The following CKLF variants were observed in gnomAD, a reference collection of about 807,000 sequenced individuals.
The protein encoded by CKLF is chemokine like factor, also known as chemokine-like factor.
In CKLF, 16 loss-of-function variants were observed where a neutral mutation model predicts 12.9. The ratio of observed to expected loss-of-function variants is 1.24; its 90% CI spans 0.84 to 1.88. CKLF has a LOEUF of 1.88. CKLF is among the 40% of genes most tolerant of loss of function. The pLI, the probability that CKLF is intolerant of heterozygous loss-of-function variation, is 0.00. For synonymous variants in CKLF, 61 were observed against 69.0 expected (o/e 0.88, Z 0.57); for missense variants, 172 against 188.5 (o/e 0.91, Z 0.51).
intron 1 of CKLF, among the ~76,000 whole-genome samples, chr16:66,554,000 A>T (rs887832121): frequency 5.3e-5 from 8 of 152,220 alleles, no homozygotes; most frequent in Non-Finnish European, 1.2e-4. Flanking sequence ...GTAAATACTC[A>T]GGGCAAAAGT....
chr16:66,552,575 G>C (rs1367680920), upstream of CKLF: 4 of 1,361,086 alleles, frequency 2.9e-6, no homozygotes, highest in East Asian at 2.3e-5. Context: ...GCGCGCAAGA[G>C]AGCGGGAAGC....
chr16:66,556,592 TGAAAAA>T (rs1368518708), intron 1 of CKLF, among the ~76,000 whole-genome samples: 3 of 152,192 alleles, frequency 2.0e-5, no homozygotes, highest in African/African-American at 7.2e-5. Context: ...GGATAGGGAC[TGAAAAA>T]GTGGCCCTTC....
In CKLF at chr16:66,552,579, G is replaced by C; in HGVS notation, c.-137G>C. On this transcript the variant is annotated 5_prime_UTR_variant, in exon 1 of 4. Coordinates refer to ENST00000264001, the MANE Select transcript of CKLF (RefSeq NM_016951.4). ...GCCGTGCGCATGCGCGCAAGAGAGC[G>C]GGAAGCCGAGCTGGGCGAGAAGTAG... 1 of 1,391,248 alleles carries C rather than the reference G, an allele frequency of 7.2e-7. No homozygotes were observed. Among genetic ancestry groups the C allele is most frequent in the Non-Finnish European group, 1.0e-6 (1 of 1,004,306 alleles). The allele number at this position is 1,391,248 out of a possible 1,614,324, so 86.2% of individuals were successfully genotyped here.
chr16:66,555,168 CAG>C (rs2011383291), intron 1 of CKLF, among the ~76,000 whole-genome samples: 1 of 152,134 alleles, frequency 6.6e-6, no homozygotes, highest in Non-Finnish European at 1.5e-5. Flanking sequence ...ACCGGAGAGA[CAG>C]AGGTTGAGGT....
intron 2 of CKLF, among the ~76,000 whole-genome samples, chr16:66,560,178 C>A (rs1384434175): frequency 6.6e-6 from 1 of 152,072 alleles, no homozygotes; most frequent in Non-Finnish European, 1.5e-5. Flanking sequence ...AGAAAAGCAG[C>A]AGCATATGTG....
At position 66,558,170 on chromosome 16, in the gene CKLF, C is replaced by T. The variant is rs368008197; in HGVS notation, c.79-20C>T. ...TGTATTCAGTTGTCACTGAATAAATCGTGGGTTTTTTTCTTCTAGGCACTA... is the reference window on the plus strand; with the variant it reads ...TGTATTCAGTTGTCACTGAATAAATTGTGGGTTTTTTTCTTCTAGGCACTA... On this transcript the variant is annotated intron_variant, in intron 1 of 3. Transcript: ENST00000264001. 2 of 1,603,028 alleles carry T rather than the reference C, an allele frequency of 1.2e-6. No individual in the cohort carries two copies. The highest frequency in any genetic ancestry group is 1.1e-5 in the South Asian group (1 of 88,014).
At chr16:66,554,167 C>T (rs1206842528) in intron 1 of CKLF, among the ~76,000 whole-genome samples, 2 of 152,172 alleles carry the variant, frequency 1.3e-5, no homozygotes, top group African/African-American at 4.8e-5. Context: ...AAACTCTGGG[C>T]TAGGAGCTGG....
chr16:66,563,345 C>T, intron 3 of CKLF, 128 bp downstream of exon 3: 1 of 1,071,208 alleles, frequency 9.3e-7, no homozygotes, highest in Non-Finnish European at 1.3e-6. Context: ...ATATACAATG[C>T]CTAGTGGCTT....
chr16:66,563,286 T>C, intron 3 of CKLF, 69 bp downstream of exon 3: 1 of 1,564,290 alleles, frequency 6.4e-7, no homozygotes, highest in South Asian at 1.1e-5. Flanking sequence ...GGAAAACAGA[T>C]GTAAGAATAG....
chr16:66,560,165 G>C (rs2011614798), intron 2 of CKLF, among the ~76,000 whole-genome samples: 1 of 152,164 alleles, frequency 6.6e-6, no homozygotes, highest in Non-Finnish European at 1.5e-5. Context: ...GTGCTTTTCT[G>C]CTAGAAAAGC....
At chr16:66,558,157 T>C (rs371131097) in intron 1 of CKLF, 33 bp from the exon 2 acceptor site, 182 of 1,598,950 alleles carry the variant, frequency 1.1e-4, no homozygotes, top group Non-Finnish European at 1.5e-4. Flanking sequence ...TATTCAGTTG[T>C]CACTGAATAA....
At chr16:66,564,940 A>G in intron 3 of CKLF, among the ~76,000 whole-genome samples, 1 of 152,206 alleles carries the variant, frequency 6.6e-6, no homozygotes, top group East Asian at 1.9e-4. Context: ...AAACCGCTGT[A>G]TATAAGCTGT....
At chr16:66,562,578 A>T (rs940759370) in intron 2 of CKLF, among the ~76,000 whole-genome samples, 1 of 152,252 alleles carries the variant, frequency 6.6e-6, no homozygotes, top group Non-Finnish European at 1.5e-5. Flanking sequence ...AATGATTGGC[A>T]TATCACAGGT....
intron 3 of CKLF, 23 bp downstream of exon 3, chr16:66,563,240 G>A (rs2232726): frequency 1.9e-6 from 3 of 1,609,780 alleles, no homozygotes; most frequent in Admixed American, 1.7e-5. Context: ...CTTTCTGCTT[G>A]CTTTCTTCAG....
intron 3 of CKLF, among the ~76,000 whole-genome samples, chr16:66,563,585 C>A (rs945753003): frequency 1.3e-5 from 2 of 152,146 alleles, no homozygotes; most frequent in African/African-American, 4.8e-5. Flanking sequence ...CTCCCTTTTA[C>A]AGAAAAGGAT....
intron 1 of CKLF, among the ~76,000 whole-genome samples, chr16:66,553,901 G>A (rs746971904): frequency 6.6e-6 from 1 of 152,202 alleles, no homozygotes; most frequent in African/African-American, 2.4e-5. Context: ...ATTGTGAGAA[G>A]TAGCTTTCAT....
chr16:66,562,910 C>T (rs553785925), intron 2 of CKLF, among the ~76,000 whole-genome samples: 52 of 151,994 alleles, frequency 3.4e-4, no homozygotes, highest in Admixed American at 1.6e-3. Flanking sequence ...TTAGTAGAGA[C>T]GGGGTTTCAC....
At chr16:66,564,922 A>C (rs568883101) in intron 3 of CKLF, among the ~76,000 whole-genome samples, 1 of 152,336 alleles carries the variant, frequency 6.6e-6, no homozygotes, top group Admixed American at 6.5e-5. Context: ...CACAGGAGAC[A>C]CAAGTGGAAA....
Position 66,563,112 on chromosome 16 carries a change from G to A in CKLF, c.238-10G>A, listed in dbSNP as rs780510351. ...TTCATGTAAGGCTCAGCTTTATTGTGTGTTTTTAGGATATTATCAACTCAC... is the reference window on the plus strand; with the variant it reads ...TTCATGTAAGGCTCAGCTTTATTGTATGTTTTTAGGATATTATCAACTCAC... On this transcript the variant is annotated splice_polypyrimidine_tract_variant and intron_variant, in intron 2 of 3. Transcript: ENST00000264001. 8 of 1,613,772 alleles carry A rather than the reference G, an allele frequency of 5.0e-6. No individual in the cohort carries two copies. Among genetic ancestry groups the A allele is most frequent in the South Asian group, 1.1e-5 (1 of 91,018 alleles).
Sources: gnomAD v4.1 joint callset for allele counts (sites outside exome capture counted in the v4.1 genomes callset) on GRCh38, gnomAD v4.1.1 for gene constraint, MANE v1.5 for transcripts, NCBI Gene and HGNC (gene_info 2026-07-23, HGNC 2026-07-21) for gene names.